Variants in PDILT observed in about 807,000 individuals in gnomAD.
The protein encoded by PDILT is protein disulfide-isomerase-like protein of the testis.
In PDILT, 43 loss-of-function variants were observed where a neutral mutation model predicts 53.7. The observed-to-expected ratio is 0.80, with a 90% CI of 0.63 to 1.03. The LOEUF is 1.03. Among genes scored for constraint, PDILT ranks in the 50% least tolerant of loss-of-function variants. The probability of loss-of-function intolerance (pLI) is 0.00; values close to 1 mark genes in which losing one functional copy is unlikely to be tolerated. For missense variants in PDILT, 727 were observed against 712.3 expected (o/e 1.02, Z -0.24); for synonymous variants, 282 against 274.2 (o/e 1.03, Z -0.28).
In PDILT at chr16:20,363,877, C is replaced by A. The variant is rs143977423; in HGVS notation, c.1238-1295G>T. 6.4e-3 allele frequency among the ~76,000 whole-genome samples: 976 copies of A among 152,226 alleles called. 30 individuals carry two copies. In the South Asian group the frequency reaches 0.077, roughly 12 times the overall value. ...TCCAGGCTCCTGGGCCTCTGGAAAC[C>A]AGAGACCAGCTCCAACCCAAGGGAA... On this transcript the variant is annotated intron_variant, in intron 9 of 11. Coordinates refer to ENST00000302451, the MANE Select transcript of PDILT (RefSeq NM_174924.2).
chr16:20,363,871 G>A (rs1966149841), intron 9 of PDILT, among the ~76,000 whole-genome samples: 1 of 152,122 alleles, frequency 6.6e-6, no homozygotes, highest in Non-Finnish European at 1.5e-5. Flanking sequence ...CTGGGCCTCT[G>A]GAAACCAGAG....
chr16:20,395,357 GGTGGCT>G (rs1966649993), intron 2 of PDILT, among the ~76,000 whole-genome samples: 1 of 152,194 alleles, frequency 6.6e-6, no homozygotes, highest in Non-Finnish European at 1.5e-5. Flanking sequence ...AAGGGACATA[GGTGGCT>G]GACGTATTTT....
At chr16:20,378,696 T>A (rs1966420098) in intron 3 of PDILT, among the ~76,000 whole-genome samples, 2 of 152,044 alleles carry the variant, frequency 1.3e-5, no homozygotes, top group African/African-American at 4.8e-5. Context: ...CACTTATGAG[T>A]GAGTGTGTTT....
At chr16:20,397,394 C>T (rs145356626) in intron 2 of PDILT, among the ~76,000 whole-genome samples, 174 of 152,242 alleles carry the variant, frequency 1.1e-3, no homozygotes, top group African/African-American at 3.4e-3. Context: ...CTTCCCACCT[C>T]GGCCTCCCAA....
intron 9 of PDILT, among the ~76,000 whole-genome samples, chr16:20,362,940 C>T (rs62034969): frequency 6.6e-5 from 10 of 151,450 alleles, no homozygotes; most frequent in Admixed American, 2.6e-4. Flanking sequence ...AGCATGATGG[C>T]GTGCACCTGT....
rs114599128 is a variant in PDILT, at chr16:20,392,277, G to T, written c.202+6822C>A. ...ACTTTCAGTGAAGGCAGGACATAAG[G>T]AGCAGCAGATTGTTGGGACCAAATC... On this transcript the variant is annotated intron_variant, in intron 2 of 11. Transcript: ENST00000302451. 4.7e-3 allele frequency among the ~76,000 whole-genome samples: 709 copies of T among 152,304 alleles called. 6 individuals carry two copies. The highest frequency in any genetic ancestry group is 0.016 in the African/African-American group (668 of 41,564).
intron 2 of PDILT, among the ~76,000 whole-genome samples, chr16:20,385,302 A>G (rs1377098000): frequency 6.6e-6 from 1 of 152,172 alleles, no homozygotes; most frequent in Non-Finnish European, 1.5e-5. Context: ...AATTTTATAC[A>G]TGAGGAAGCT....
At chr16:20,365,663 AG>A in intron 8 of PDILT, 123 bp from the exon 9 acceptor site, 1 of 1,257,562 alleles carries the variant, frequency 8.0e-7, no homozygotes, top group East Asian at 2.3e-5. Flanking sequence ...GCCTTAGGAA[AG>A]GGTTTGAAAT....
chr16:20,369,541 T>C lies in PDILT; in HGVS notation c.1067A>G (p.Tyr356Cys). 6.2e-7 allele frequency: 1 copy of C among 1,614,240 alleles called. No homozygotes were observed. Among genetic ancestry groups the C allele is most frequent in the Non-Finnish European group, 8.5e-7 (1 of 1,180,044 alleles). Residue 356 changes from tyrosine (Y) to cysteine (C), a missense_variant, in exon 8 of 12, where the codon TAC becomes TGC. Physicochemically the swap from Tyr to Cys is radical, Grantham distance 194. Coordinates refer to ENST00000302451, the MANE Select transcript of PDILT (RefSeq NM_174924.2). The stretch of plus-strand genomic sequence containing the variant: ...GCGGCCAAATTTCTTGAGGCTTTCG[T>C]AGGTTATGTCATCTGAAGGCATTTT... ...RYKMPSDDIT[Y>C]ESLKKFGRSF...
chr16:20,368,405 T>C (rs183144156), intron 8 of PDILT, among the ~76,000 whole-genome samples: 2 of 151,990 alleles, frequency 1.3e-5, no homozygotes, highest in Admixed American at 6.6e-5. Context: ...TGGGTTGGAA[T>C]TGGAAAGAAG....
In PDILT at chr16:20,369,711, T is replaced by C. The variant is rs1438895845; in HGVS notation, c.919-22A>G. 1.9e-6 allele frequency: 3 copies of C among 1,612,374 alleles called. No homozygotes were observed. The African/African-American group carries it at 4.0e-5, about 22-fold the overall frequency. On this transcript the variant is annotated intron_variant, in intron 7 of 11. Coordinates refer to ENST00000302451, the MANE Select transcript of PDILT (RefSeq NM_174924.2). ...GGATCTGCCAAAGAAAACAAAACCCTTGTCTCTCTGGATCCTTTGCCAGTG... is the reference window on the plus strand; with the variant it reads ...GGATCTGCCAAAGAAAACAAAACCCCTGTCTCTCTGGATCCTTTGCCAGTG...
At position 20,399,111 on chromosome 16, in the gene PDILT, T is replaced by G; in HGVS notation, c.190A>C (p.Met64Leu). 2 of 1,614,166 alleles carry G rather than the reference T, an allele frequency of 1.2e-6. No homozygotes were observed. Among genetic ancestry groups the G allele is most frequent in the Non-Finnish European group, 8.5e-7 (1 of 1,180,006 alleles). Reference protein sequence around the residue: ...TQMLNQTRFLMVLFHNPSSKQ... With the variant: ...TQMLNQTRFLLVLFHNPSSKQ... ...TGGGGGCACTCACGGAAAAGCACCA[T>G]GAGGAAGCGGGTCTGGTTCAGCATC... The change falls in exon 2 of 12, where the codon ATG (methionine) becomes CTG (leucine). Residue 64 changes from methionine (M) to leucine (L), a missense_variant. By Grantham distance (15) the Met-to-Leu change is conservative. Coordinates refer to ENST00000302451, the MANE Select transcript of PDILT (RefSeq NM_174924.2).
At chr16:20,371,949 TA>T (rs1406786299) in intron 7 of PDILT, among the ~76,000 whole-genome samples, 3 of 152,346 alleles carry the variant, frequency 2.0e-5, no homozygotes, top group South Asian at 2.1e-4. Flanking sequence ...TGTTATATTC[TA>T]GTGGCTTTCT....
At chr16:20,400,880 A>G (rs2141625708) in intron 1 of PDILT, among the ~76,000 whole-genome samples, 1 of 152,340 alleles carries the variant, frequency 6.6e-6, no homozygotes, top group East Asian at 1.9e-4. Context: ...ATGCACAATA[A>G]TGTCATCATA....
chr16:20,361,750 CTGATT>C (rs1204310599), intron 10 of PDILT, among the ~76,000 whole-genome samples: 3 of 152,154 alleles, frequency 2.0e-5, no homozygotes, highest in African/African-American at 7.2e-5. Context: ...CTCCTCTAAC[CTGATT>C]TAAGTCCCCA....
chr16:20,401,594 G>A (rs1760982971), intron 1 of PDILT, among the ~76,000 whole-genome samples: 1 of 152,194 alleles, frequency 6.6e-6, no homozygotes, highest in Admixed American at 6.5e-5. Context: ...GCCTCAAGGG[G>A]CCTTCAGAGA....
At chr16:20,366,988 CT>C (rs1247272470) in intron 8 of PDILT, among the ~76,000 whole-genome samples, 14 of 83,462 alleles carry the variant, frequency 1.7e-4, no homozygotes, top group Admixed American at 1.1e-3. Context: ...TCCTTCCTTC[CT>C]TTCTTTCTTT....
intron 2 of PDILT, among the ~76,000 whole-genome samples, chr16:20,397,785 G>T (rs1966681439): frequency 6.6e-6 from 1 of 152,186 alleles, no homozygotes; most frequent in South Asian, 2.1e-4. Flanking sequence ...TGCCTCCCCT[G>T]CCCTGCTCTT....
chr16:20,365,310 C>G, intron 9 of PDILT, 110 bp downstream of exon 9: 1 of 1,219,392 alleles, frequency 8.2e-7, no homozygotes, highest in Non-Finnish European at 1.2e-6. Context: ...CCATCCTTGG[C>G]ATGGTGCATT....
Sources: allele counts gnomAD v4.1 joint callset (sites outside exome capture counted in the v4.1 genomes callset), GRCh38; gene constraint gnomAD v4.1.1; transcripts MANE v1.5; gene names NCBI Gene and HGNC (gene_info 2026-07-23, HGNC 2026-07-21).